Variants in PSG4 observed in about 807,000 individuals in gnomAD.
The protein encoded by PSG4 is pregnancy-specific beta-1-glycoprotein 4.
PSG4 carries 61 observed loss-of-function variants against 44.3 expected under a neutral mutation model. The ratio of observed to expected loss-of-function variants is 1.38; its 90% CI spans 1.12 to 1.70. The LOEUF is 1.70. Ranked by LOEUF, PSG4 falls within the 40% of genes most tolerant of loss-of-function variation. The pLI is 0.00. For synonymous variants in PSG4, 248 were observed against 191.3 expected, an observed-to-expected ratio of 1.30 and a Z score of -2.45; for missense variants, 677 against 511.7, an observed-to-expected ratio of 1.32 and a Z score of -3.12.
chr19:43,203,966 G>C lies in PSG4; in HGVS notation c.350C>G (p.Ala117Gly), dbSNP rs1434408050. The C allele has an allele frequency of 1.3e-6, 2 of 1,587,574 alleles. No homozygotes were observed. Among genetic ancestry groups the C allele is most frequent in the South Asian group, 2.2e-5 (2 of 89,958 alleles). Residue 117 changes from alanine (A) to glycine (G), a missense_variant, in exon 2 of 6, where the codon GCA becomes GGA. Physicochemically the swap from Ala to Gly is moderately conservative, Grantham distance 60. Transcript: ENST00000405312. ...TATGATGTGTAAGGTGTAGGATCCT[G>C]CATCCTCCTGCGTGACATTCTGGAT... ...LLIQNVTQED[A>G]GSYTLHIIKR...
intron 2 of PSG4, 170 bp downstream of exon 2, chr19:43,203,716 A>G: frequency 8.1e-7 from 1 of 1,241,116 alleles, no homozygotes; most frequent in Non-Finnish European, 1.1e-6. Context: ...AGGAATTCTG[A>G]TCTGTTGAAA....
At chr19:43,193,566 G>A in intron 5 of PSG4, 178 bp from the exon 6 acceptor site, 1 of 625,762 alleles carries the variant, frequency 1.6e-6, no homozygotes, top group African/African-American at 1.8e-5. Flanking sequence ...TTCAAACGTG[G>A]TCTGATTCTT....
chr19:43,193,908 G>C, intron 5 of PSG4: 1 of 707,790 alleles, frequency 1.4e-6, no homozygotes. Flanking sequence ...GCCCAATTCT[G>C]GGGCAGTCAG....
Position 43,197,717 on chromosome 19 carries a change from C to T in PSG4, c.709+280G>A, listed in dbSNP as rs1324679192. 11 of 626,692 alleles carry T rather than the reference C, an allele frequency of 1.8e-5. 1 individual carries two copies. The highest frequency in any genetic ancestry group is 2.3e-5 in the South Asian group (1 of 43,128). The allele number at this position is 626,692 out of a possible 1,614,324, so 38.8% of individuals were successfully genotyped here. On this transcript the variant is annotated intron_variant, in intron 3 of 5. Coordinates refer to ENST00000405312, the MANE Select transcript of PSG4 (RefSeq NM_002780.5). ...GCAACACTGAAGTCCCAGCCAAATC[C>T]CCGCTGTGTTCACTGATCTGGAGCC...
intron 2 of PSG4, among the ~76,000 whole-genome samples, chr19:43,200,387 AAAATTGCT>A (rs3072225): frequency 0.63 from 90,544 of 142,744 alleles, 32,179 homozygotes; most frequent in East Asian, 0.89. Context: ...ACAAAATTTA[AAAATTGCT>A]ATTGTCAAAA....
chr19:43,193,182 T>C lies in PSG4; in HGVS notation c.*190A>G. The C allele has an allele frequency of 1.3e-6, 1 of 746,206 alleles. No individual in the cohort carries two copies. The highest frequency in any genetic ancestry group is 1.4e-5 in the South Asian group (1 of 72,704). The allele number at this position is 746,206 out of a possible 1,614,324, so 46.2% of individuals were successfully genotyped here. A position where few individuals can be genotyped will look rare whatever the true frequency, so the allele number is the denominator to read the frequency against. ...ATCAACTTGTTATCCTGGTTTACAG[T>C]TTGAGTAGCTGTTGTTATGGTGTCG... On this transcript the variant is annotated 3_prime_UTR_variant, in exon 6 of 6. Coordinates refer to ENST00000405312, the MANE Select transcript of PSG4 (RefSeq NM_002780.5).
rs1394312497 is a variant in PSG4, at chr19:43,202,333, C to T, written c.430+1553G>A. Among the ~76,000 whole-genome samples the T allele has an allele frequency of 3.9e-3, 561 of 142,550 alleles. 49 individuals carry two copies. Among genetic ancestry groups the T allele is most frequent in the African/African-American group, 0.015 (547 of 36,624 alleles). The allele number at this position is 142,550 out of a possible 152,430, so 93.5% of individuals were successfully genotyped here. A position where few individuals can be genotyped will look rare whatever the true frequency, so the allele number is the denominator to read the frequency against. ...GTCCAGGACCAAGGAGCCCAGAGAA[C>T]CCTCTGGTGGCCAAAGAGCTTCAGA... On this transcript the variant is annotated intron_variant, in intron 2 of 5. Transcript: ENST00000405312.
At position 43,203,986 on chromosome 19, in the gene PSG4, C is replaced by A; in HGVS notation, c.330G>T (p.Gln110His). ...RVYSNASLLI[Q>H]NVTQEDAGSY... The stretch of plus-strand genomic sequence containing the variant: ...ATCCTGCATCCTCCTGCGTGACATT[C>A]TGGATCAGCAGGGATGCATTGGAAT... The change falls in exon 2 of 6, where the codon CAG becomes CAT. Residue 110 changes from glutamine (Q) to histidine (H), a missense_variant. Coordinates refer to ENST00000405312, the MANE Select transcript of PSG4 (RefSeq NM_002780.5). 3 of 1,587,968 alleles carry A rather than the reference C, an allele frequency of 1.9e-6. 1 individual carries two copies. Among genetic ancestry groups the A allele is most frequent in the Admixed American group, 3.4e-5 (2 of 58,404 alleles).
At chr19:43,196,289 G>C (rs1967242937) in intron 3 of PSG4, among the ~76,000 whole-genome samples, 1 of 151,606 alleles carries the variant, frequency 6.6e-6, no homozygotes, top group African/African-American at 2.4e-5. Context: ...GAGTGAATAT[G>C]AGAAGAGACT....
In PSG4 at chr19:43,194,696, T is replaced by A. The variant is rs779362226; in HGVS notation, c.989-102A>T. 6.7e-6 allele frequency: 10 copies of A among 1,501,594 alleles called. 1 individual carries two copies. The highest frequency in any genetic ancestry group is 6.5e-5 in the Admixed American group (3 of 45,964). The allele number at this position is 1,501,594 out of a possible 1,614,324, so 93.0% of individuals were successfully genotyped here. A position where few individuals can be genotyped will look rare whatever the true frequency, so the allele number is the denominator to read the frequency against. On this transcript the variant is annotated intron_variant, in intron 4 of 5. Transcript: ENST00000405312. The stretch of plus-strand genomic sequence containing the variant: ...GTTACCCTCTAAGCCAAGACACACC[T>A]TCAAGTCCCAGCCAAACTCCCTCTA...
At position 43,202,279 on chromosome 19, in the gene PSG4, C is replaced by A. The variant is rs73548070; in HGVS notation, c.430+1607G>T. ...GTGAGGGTTACACTGACTTCAGAGA[C>A]CCCAGGGACCAGGTGCCCCAGTTCC... On this transcript the variant is annotated intron_variant, in intron 2 of 5. Coordinates refer to ENST00000405312, the MANE Select transcript of PSG4 (RefSeq NM_002780.5). Among the ~76,000 whole-genome samples the A allele has an allele frequency of 7.7e-3, 1,115 of 143,958 alleles. 158 individuals carry two copies. Among genetic ancestry groups the A allele is most frequent in the African/African-American group, 0.028 (1,053 of 37,016 alleles). The allele number at this position is 143,958 out of a possible 152,430, so 94.4% of individuals were successfully genotyped here. A position where few individuals can be genotyped will look rare whatever the true frequency, so the allele number is the denominator to read the frequency against.
At position 43,200,791 on chromosome 19, in the gene PSG4, G is replaced by T. The variant is rs1436599695; in HGVS notation, c.431-2516C>A. 1.3e-4 allele frequency among the ~76,000 whole-genome samples: 19 copies of T among 145,900 alleles called. 3 individuals are homozygous for T. The highest frequency in any genetic ancestry group is 1.3e-3 in the Admixed American group (19 of 14,700). The stretch of plus-strand genomic sequence containing the variant: ...GGGGTTTCACCATGTTAGCCAGGAT[G>T]GTCTCCATCTCCTGACCTTGTGCCT... On this transcript the variant is annotated intron_variant, in intron 2 of 5. Transcript: ENST00000405312.
In PSG4 at chr19:43,195,247, T is replaced by C. The variant is rs578248272; in HGVS notation, c.736A>G (p.Ile246Val). ...LPKLSKPYIT[I>V]NNLNPRENKD... Reference sequence around the variant, plus strand: ...TTCTCTCTGGGGTTTAAGTTGTTGATTGTGATGTAGGGCTTGGACAGCTTT... The same window carrying C: ...TTCTCTCTGGGGTTTAAGTTGTTGACTGTGATGTAGGGCTTGGACAGCTTT... The change falls in exon 4 of 6, where the codon ATC (isoleucine) becomes GTC (valine). Residue 246 changes from isoleucine (I) to valine (V), a missense_variant. Ile to Val is a conservative substitution (Grantham distance 29). Transcript: ENST00000405312. 2 of 1,610,430 alleles carry C rather than the reference T, an allele frequency of 1.2e-6. No homozygotes were observed. The highest frequency in any genetic ancestry group is 8.5e-7 in the Non-Finnish European group (1 of 1,178,966).
chr19:43,199,755 A>G (rs930511037), intron 2 of PSG4, among the ~76,000 whole-genome samples: 3 of 145,936 alleles, frequency 2.1e-5, no homozygotes, highest in Non-Finnish European at 4.5e-5. Context: ...AAATGTTTTC[A>G]TAAGTGGAAA....
chr19:43,204,820 G>C lies in PSG4; in HGVS notation c.65-569C>G. 2 of 358,350 alleles carry C rather than the reference G, an allele frequency of 5.6e-6. 1 individual carries two copies. 22.2% of individuals were successfully genotyped at this position (358,350 alleles called of 1,614,324 possible). ...GAGTTCTCAGGGTCTCCACCCTCTG[G>C]ATGTTTCTTTTTCCCCCCAATTGTT... is the stretch of plus-strand genomic sequence containing the variant. On this transcript the variant is annotated intron_variant, in intron 1 of 5. Coordinates refer to ENST00000405312, the MANE Select transcript of PSG4 (RefSeq NM_002780.5).
intron 3 of PSG4, chr19:43,196,598 G>T (rs1261983366): frequency 2.6e-5 from 4 of 151,414 alleles, no homozygotes; most frequent in Non-Finnish European, 5.9e-5. Flanking sequence ...GGCAAAAGTG[G>T]GAGGTGATAA....
Position 43,196,997 on chromosome 19 carries a change from G to A in PSG4, c.709+1000C>T, listed in dbSNP as rs1029347659. Among the ~76,000 whole-genome samples, 15 of 146,330 alleles carry A rather than the reference G, an allele frequency of 1.0e-4. 1 individual carries two copies. The highest frequency in any genetic ancestry group is 2.1e-4 in the African/African-American group (8 of 38,510). ...AAATGTCTTTCCATATATTGATATC[G>A]TCTTTAATTTCTTTCAGCAATGTTT... On this transcript the variant is annotated intron_variant, in intron 3 of 5. Transcript: ENST00000405312.
rs1372423915 is a variant in PSG4 at position 43,205,398 on chromosome 19, C to G, written c.64+75G>C. 1.8e-5 allele frequency: 26 copies of G among 1,433,802 alleles called. 2 individuals carry two copies. The East Asian group carries it at 3.6e-4, about 20-fold the overall frequency. The allele number at this position is 1,433,802 out of a possible 1,614,324, so 88.8% of individuals were successfully genotyped here. On this transcript the variant is annotated intron_variant, in intron 1 of 5. Transcript: ENST00000405312. Reference sequence around the variant, plus strand: ...CTGGCTTCTTTCATTTTTCAGAACCCCATCCTCTCCAGGAGACCCCATCCA... The same window carrying G: ...CTGGCTTCTTTCATTTTTCAGAACCGCATCCTCTCCAGGAGACCCCATCCA...
chr19:43,193,734 A>G (rs1006140369), intron 5 of PSG4: 9 of 540,628 alleles, frequency 1.7e-5, no homozygotes, highest in South Asian at 1.4e-4. Context: ...CCTGCAGTTC[A>G]TATTGGTTCA....
Sources: allele counts gnomAD v4.1 joint callset (sites outside exome capture counted in the v4.1 genomes callset), GRCh38; gene constraint gnomAD v4.1.1; transcripts MANE v1.5; gene names NCBI Gene and HGNC (gene_info 2026-07-23, HGNC 2026-07-21).